Variants in CTNND2 observed in about 807,000 individuals in gnomAD.
CTNND2 encodes the protein catenin delta-2.
A neutral mutation model predicts 144.4 loss-of-function variants in CTNND2; 22 were observed. The observed-to-expected ratio is 0.15, with a 90% CI of 0.11 to 0.22. The LOEUF is 0.22. Among genes scored for constraint, CTNND2 ranks in the 10% least tolerant of loss-of-function variants. CTNND2 has a pLI of 1.00. For missense variants in CTNND2, 1,353 were observed against 1,618.8 expected (o/e 0.84, Z 2.82); for synonymous variants, 751 against 695.6 (o/e 1.08, Z -1.25).
chr5:11,591,871 C>T lies in CTNND2; in HGVS notation c.175-26815G>A, dbSNP rs1333649261. Among the ~76,000 whole-genome samples, 6 of 152,088 alleles carry T rather than the reference C, an allele frequency of 3.9e-5. No homozygotes were observed. In the East Asian group the frequency reaches 1.2e-3, roughly 30 times the overall value. On this transcript the variant is annotated intron_variant, in intron 2 of 21. Transcript: ENST00000304623. Reference sequence around the variant, plus strand: ...TTACTTATTTTTGAATTATGGCAACCTTTTCTTGGCCTGACTTTTGCTTGG... The same window carrying T: ...TTACTTATTTTTGAATTATGGCAACTTTTTCTTGGCCTGACTTTTGCTTGG...
At position 11,159,604 on chromosome 5, in the gene CTNND2, C is replaced by A; in HGVS notation, c.2131G>T (p.Val711Leu). 3 of 1,612,892 alleles carry A rather than the reference C, an allele frequency of 1.9e-6. No individual in the cohort carries two copies. Among genetic ancestry groups the A allele is most frequent in the African/African-American group, 1.3e-5 (1 of 75,000 alleles). ...AGGCACCCGGTGGCGTTACGCAGCA[C>A]CTGTGATGAATGCAGCTGTATTTTC... ...DRKIQLHSSQVLRNATGCLRN... is the reference protein window; with the variant it reads ...DRKIQLHSSQLLRNATGCLRN... Residue 711 changes from valine to leucine, a missense_variant, in exon 12 of 22, where the codon GTG becomes TTG. Around this residue, in one of 4 missense-constraint regions of CTNND2, gnomAD observed 117 missense variants for 117.8 expected, o/e 0.99. Coordinates refer to ENST00000304623, the MANE Select transcript of CTNND2 (RefSeq NM_001332.4).
intron 7 of CTNND2, among the ~76,000 whole-genome samples, chr5:11,376,977 TC>T (rs149116189): frequency 0.018 from 2,782 of 152,074 alleles, 58 homozygotes; most frequent in East Asian, 0.074. Context: ...TAATTGCTTA[TC>T]ACTCTACTTT....
chr5:11,052,220 C>CT (rs914286993), intron 16 of CTNND2, among the ~76,000 whole-genome samples: 15 of 151,906 alleles, frequency 9.9e-5, no homozygotes, highest in African/African-American at 2.9e-4. Flanking sequence ...TATCATCTGG[C>CT]TTTTTTTTCC....
At chr5:11,573,519 A>G (rs549170827) in intron 2 of CTNND2, among the ~76,000 whole-genome samples, 102 of 152,308 alleles carry the variant, frequency 6.7e-4, no homozygotes, top group Middle Eastern at 3.4e-3. Context: ...TTGGAAGCCT[A>G]CAGCAGAGTG....
chr5:11,817,428 A>G (rs1347000465), intron 1 of CTNND2, among the ~76,000 whole-genome samples: 9 of 2,180 alleles, frequency 4.1e-3, no homozygotes, highest in Non-Finnish European at 9.3e-3. Flanking sequence ...AGAGAGAGAG[A>G]GAGAGAGAGA....
At chr5:11,706,101 C>G (rs532177250) in intron 2 of CTNND2, among the ~76,000 whole-genome samples, 1 of 152,244 alleles carries the variant, frequency 6.6e-6, no homozygotes, top group Non-Finnish European at 1.5e-5. Context: ...GAGGTCTGAA[C>G]AAATTCTGCC....
intron 2 of CTNND2, among the ~76,000 whole-genome samples, chr5:11,586,122 T>C (rs1778846807): frequency 6.6e-6 from 1 of 152,186 alleles, no homozygotes; most frequent in South Asian, 2.1e-4. Flanking sequence ...TATTCGAAAA[T>C]AATCTTTATA....
intron 1 of CTNND2, among the ~76,000 whole-genome samples, chr5:11,755,639 T>TC: frequency 4.0e-5 from 1 of 25,082 alleles, no homozygotes; most frequent in East Asian, 1.3e-3. Flanking sequence ...TTGTTCATTC[T>TC]TCTTTTTTTT....
At chr5:11,200,091 G>A (rs1737272528) in intron 10 of CTNND2, among the ~76,000 whole-genome samples, 1 of 152,132 alleles carries the variant, frequency 6.6e-6, no homozygotes. Context: ...TGCTTAATAG[G>A]GATATGCTCT....
chr5:11,518,027 G>T (rs1772347347), intron 3 of CTNND2, among the ~76,000 whole-genome samples: 1 of 152,040 alleles, frequency 6.6e-6, no homozygotes, highest in African/African-American at 2.4e-5. Context: ...TGGTGGAACG[G>T]GGCAATGGGG....
At chr5:11,575,976 C>A (rs1777945662) in intron 2 of CTNND2, among the ~76,000 whole-genome samples, 1 of 152,102 alleles carries the variant, frequency 6.6e-6, no homozygotes, top group Non-Finnish European at 1.5e-5. Flanking sequence ...CAAAATCAAC[C>A]AAATCCTACA....
At chr5:11,279,732 T>G (rs987147781) in intron 9 of CTNND2, among the ~76,000 whole-genome samples, 1 of 152,184 alleles carries the variant, frequency 6.6e-6, no homozygotes, top group African/African-American at 2.4e-5. Flanking sequence ...GGCATCTGCT[T>G]CTGGGGAGGC....
intron 2 of CTNND2, among the ~76,000 whole-genome samples, chr5:11,618,199 C>A (rs1234677577): frequency 6.6e-6 from 1 of 152,066 alleles, no homozygotes; most frequent in Non-Finnish European, 1.5e-5. Flanking sequence ...ATTACTGACC[C>A]ACAATCCCCT....
chr5:11,250,326 C>A (rs950611798), intron 9 of CTNND2, among the ~76,000 whole-genome samples: 1 of 151,706 alleles, frequency 6.6e-6, no homozygotes, highest in African/African-American at 2.4e-5. Flanking sequence ...TACCCAATTA[C>A]CTTTCATTTC....
rs769810902 is a variant in CTNND2 at position 11,236,834 on chromosome 5, G to A, written c.1629-11C>T. ...CTCCATCCAAATTCTCTGAACAAAA[G>A]GAAAGAAGCGGGGAGAATATGAGAG... On this transcript the variant is annotated splice_polypyrimidine_tract_variant and intron_variant, in intron 9 of 21. Coordinates refer to ENST00000304623, the MANE Select transcript of CTNND2 (RefSeq NM_001332.4). 6.2e-7 allele frequency: 1 copy of A among 1,613,842 alleles called. No individual in the cohort carries two copies. The highest frequency in any genetic ancestry group is 8.5e-7 in the Non-Finnish European group (1 of 1,179,896).
intron 10 of CTNND2, among the ~76,000 whole-genome samples, chr5:11,209,249 T>C (rs927716961): frequency 1.3e-5 from 2 of 152,218 alleles, no homozygotes; most frequent in Admixed American, 6.5e-5. Flanking sequence ...AGTAAGACTA[T>C]TTCAATAAGG....
chr5:11,206,945 C>A (rs1479343712), intron 10 of CTNND2, among the ~76,000 whole-genome samples: 1 of 152,194 alleles, frequency 6.6e-6, no homozygotes, highest in East Asian at 1.9e-4. Context: ...CAGATCTGTA[C>A]ATACAATCTG....
intron 1 of CTNND2, among the ~76,000 whole-genome samples, chr5:11,770,832 C>T (rs1016029923): frequency 1.3e-5 from 2 of 151,984 alleles, no homozygotes; most frequent in African/African-American, 4.8e-5. Flanking sequence ...GACACAGAGA[C>T]AGAGACAAAG....
intron 9 of CTNND2, among the ~76,000 whole-genome samples, chr5:11,245,712 G>C (rs1287277547): frequency 6.6e-6 from 1 of 152,146 alleles, no homozygotes; most frequent in Non-Finnish European, 1.5e-5. Context: ...CACCAGTTTT[G>C]TGTTAATCTG....
Sources: allele counts gnomAD v4.1 joint callset (sites outside exome capture counted in the v4.1 genomes callset), GRCh38; gene constraint gnomAD v4.1.1; regional missense constraint gnomAD v4.1.1; transcripts MANE v1.5; gene names NCBI Gene and HGNC (gene_info 2026-07-23, HGNC 2026-07-21).